The following EFNA2 variants were observed in gnomAD, a reference collection of about 807,000 sequenced individuals.
EFNA2 encodes ephrin-A2.
A neutral mutation model predicts 19.7 loss-of-function variants in EFNA2; 18 were observed. That is an observed-to-expected ratio of 0.91 (90% CI 0.63 to 1.35). EFNA2 has a LOEUF of 1.35. EFNA2 is among the 40% of genes most tolerant of loss of function. The pLI is 0.00. For missense variants in EFNA2, 303 were observed against 296.0 expected, an observed-to-expected ratio of 1.02 and a Z score of -0.17; for synonymous variants, 187 against 137.8, an observed-to-expected ratio of 1.36 and a Z score of -2.50.
At chr19:1,299,142 G>A (rs886631131) in intron 3 of EFNA2, among the ~76,000 whole-genome samples, 3 of 152,210 alleles carry the variant, frequency 2.0e-5, no homozygotes, top group Non-Finnish European at 4.4e-5. Flanking sequence ...GGAGACTGAG[G>A]CAGGAGAATC....
rs1407043155 is a variant in EFNA2, at chr19:1,297,881, G to A, written c.455-670G>A. ...GAGGTCAGGAGTTCAAGACCAGCCC[G>A]GCCAACATGGTGAAACCCCGTTTCT... On this transcript the variant is annotated intron_variant, in intron 2 of 3. Transcript: ENST00000215368. This position sits in a 1 kb window ranked among gnomAD's most constrained non-coding sequence, Gnocchi z 5.0. 2.0e-5 allele frequency among the ~76,000 whole-genome samples: 3 copies of A among 151,984 alleles called. No homozygotes were observed. Among genetic ancestry groups the A allele is most frequent in the Admixed American group, 6.6e-5 (1 of 15,260 alleles).
chr19:1,290,009 C>A (rs1249075064), intron 1 of EFNA2, among the ~76,000 whole-genome samples: 1 of 151,710 alleles, frequency 6.6e-6, no homozygotes, highest in Non-Finnish European at 1.5e-5. Flanking sequence ...TCCTGGAGGC[C>A]GTGGGGTACC....
Position 1,286,185 on chromosome 19 carries a change from G to GCCCGCTGCT in EFNA2, c.27_35dup (p.Pro10_Leu12dup), listed in dbSNP as rs1276748216. ...ACCGGGGCCATGGCGCCCGCGCAGC[G>GCCCGCTGCT]CCCGCTGCTCCCGCTGCTGCTCCTG... On this transcript the variant is annotated inframe_insertion, in exon 1 of 4. Coordinates refer to ENST00000215368, the MANE Select transcript of EFNA2 (RefSeq NM_001405.4). The surrounding 1 kb of genome is among the most constrained non-coding windows in gnomAD (Gnocchi z 5.6). 5 of 1,024,730 alleles carry GCCCGCTGCT rather than the reference G, an allele frequency of 4.9e-6. No homozygotes were observed. Among genetic ancestry groups the GCCCGCTGCT allele is most frequent in the Admixed American group, 1.2e-4 (2 of 17,088 alleles). 63.5% of individuals were successfully genotyped at this position (1,024,730 alleles called of 1,614,324 possible).
upstream of EFNA2, among the ~76,000 whole-genome samples, chr19:1,285,261 T>G (rs1194497166): frequency 6.6e-6 from 1 of 152,164 alleles, no homozygotes; most frequent in Non-Finnish European, 1.5e-5. This position sits in a 1 kb window ranked among gnomAD's most constrained non-coding sequence, Gnocchi z 4.1. Flanking sequence ...GGAGACTGAT[T>G]TGCTGTCGGC....
chr19:1,292,847 C>T (rs557408864), intron 1 of EFNA2, among the ~76,000 whole-genome samples: 35 of 152,316 alleles, frequency 2.3e-4, no homozygotes, highest in Non-Finnish European at 3.5e-4. Context: ...GGGGCCCGGG[C>T]ACCTGGCCGC....
Position 1,295,503 on chromosome 19 carries a change from C to A in EFNA2, c.141-42C>A. 2 of 1,497,246 alleles carry A rather than the reference C, an allele frequency of 1.3e-6. No individual in the cohort carries two copies. The highest frequency in any genetic ancestry group is 2.6e-5 in the South Asian group (2 of 78,334). The allele number at this position is 1,497,246 out of a possible 1,614,324, so 92.7% of individuals were successfully genotyped here. On this transcript the variant is annotated intron_variant, in intron 1 of 3. Coordinates refer to ENST00000215368, the MANE Select transcript of EFNA2 (RefSeq NM_001405.4). This position sits in a 1 kb window ranked among gnomAD's most constrained non-coding sequence, Gnocchi z 5.8. ...CGCGCACCCCGACCCGTGCCCCGTT[C>A]CTCGCTCCGGGCGCTGACCTCTGGC...
chr19:1,299,893 G>T lies in EFNA2; in HGVS notation c.590G>T (p.Cys197Phe). Residue 197 changes from cysteine to phenylalanine, a missense_variant, in exon 4 of 4, where the codon TGC (cysteine) becomes TTC (phenylalanine). Cys to Phe is a radical substitution (Grantham distance 205). Transcript: ENST00000215368. Reference protein sequence around the residue: ...SNNSCSSPGGCRLFLSTIPVL... With the variant: ...SNNSCSSPGGFRLFLSTIPVL... ...AACTCGTGTAGCAGCCCGGGCGGCT[G>T]CCGCCTCTTCCTCAGCACCATCCCC... The T allele has an allele frequency of 6.2e-7, 1 of 1,604,534 alleles. No homozygotes were observed.
rs747246910 is a variant in EFNA2 at position 1,295,907 on chromosome 19, CG to C, written c.454+54del. ...GCCGGGGCCCGAGTGGGCGGGGACGCGGGGGCGGGGCCAGGAAGTGGGCGGG... is the reference window on the plus strand; with the variant it reads ...GCCGGGGCCCGAGTGGGCGGGGACGCGGGGCGGGGCCAGGAAGTGGGCGGG... On this transcript the variant is annotated intron_variant, in intron 2 of 3. Transcript: ENST00000215368. The surrounding 1 kb of genome is among the most constrained non-coding windows in gnomAD (Gnocchi z 5.8). 114 of 422,432 alleles carry C rather than the reference CG, an allele frequency of 2.7e-4. No homozygotes were observed. Among genetic ancestry groups the C allele is most frequent in the Middle Eastern group, 9.0e-4 (1 of 1,116 alleles). The allele number at this position is 422,432 out of a possible 1,614,324, so 26.2% of individuals were successfully genotyped here.
rs1410686871 is a variant in EFNA2 at position 1,286,250 on chromosome 19, G to A, written c.82G>A (p.Asp28Asn). 4.4e-6 allele frequency: 5 copies of A among 1,129,592 alleles called. No homozygotes were observed. The African/African-American group carries it at 6.8e-5, about 15-fold the overall frequency. 70.0% of individuals were successfully genotyped at this position (1,129,592 alleles called of 1,614,324 possible). Reference sequence around the variant, plus strand: ...GCCGCCGCCCTTCGCGCGCGCCGAGGACGCCGCCCGCGCCAACTCGGACCG... The same window carrying A: ...GCCGCCGCCCTTCGCGCGCGCCGAGAACGCCGCCCGCGCCAACTCGGACCG... ...LPPPPFARAEDAARANSDRYA... is the reference protein window; with the variant it reads ...LPPPPFARAENAARANSDRYA... The change falls in exon 1 of 4, where the codon GAC (aspartate) becomes AAC (asparagine). Residue 28 changes from aspartate (D) to asparagine (N), a missense_variant. Physicochemically the swap from Asp to Asn is conservative, Grantham distance 23. Transcript: ENST00000215368. This position sits in a 1 kb window ranked among gnomAD's most constrained non-coding sequence, Gnocchi z 5.6.
At position 1,286,106 on chromosome 19, in the gene EFNA2, A is replaced by C. The variant is rs1377184272; in HGVS notation, c.-63A>C. The C allele has an allele frequency of 7.9e-6, 4 of 509,356 alleles. No individual in the cohort carries two copies. The highest frequency in any genetic ancestry group is 1.0e-5 in the Non-Finnish European group (4 of 398,560). 31.6% of individuals were successfully genotyped at this position (509,356 alleles called of 1,614,324 possible). A position where few individuals can be genotyped will look rare whatever the true frequency, so the allele number is the denominator to read the frequency against. The stretch of plus-strand genomic sequence containing the variant: ...CGCTCGGCGGCGGCGGCGGCGGCGG[A>C]GGAGGCGGAGAAGGCTGGCAGGCGG... On this transcript the variant is annotated 5_prime_UTR_variant, in exon 1 of 4. Coordinates refer to ENST00000215368, the MANE Select transcript of EFNA2 (RefSeq NM_001405.4). This position sits in a 1 kb window ranked among gnomAD's most constrained non-coding sequence, Gnocchi z 5.6.
At chr19:1,289,883 G>A (rs1362242538) in intron 1 of EFNA2, among the ~76,000 whole-genome samples, 1 of 152,180 alleles carries the variant, frequency 6.6e-6, no homozygotes, top group Non-Finnish European at 1.5e-5. Flanking sequence ...GGGTGATGCC[G>A]TGTTCTGCTG....
Position 1,294,813 on chromosome 19 carries a change from C to A in EFNA2, c.141-732C>A, listed in dbSNP as rs2144620177. On this transcript the variant is annotated intron_variant, in intron 1 of 3. Transcript: ENST00000215368. This position sits in a 1 kb window ranked among gnomAD's most constrained non-coding sequence, Gnocchi z 5.8. ...GCGAGCTGGAATGCCCGACCTGTGTCCCCCACGCTGCCCCGGTCCTTCTCA... is the reference window on the plus strand; with the variant it reads ...GCGAGCTGGAATGCCCGACCTGTGTACCCCACGCTGCCCCGGTCCTTCTCA... 1.3e-5 allele frequency among the ~76,000 whole-genome samples: 2 copies of A among 151,570 alleles called. No individual in the cohort carries two copies. The highest frequency in any genetic ancestry group is 3.9e-4 in the East Asian group (2 of 5,070).
rs1314655930 is a variant in EFNA2, at chr19:1,295,686, C to G, written c.282C>G (p.Val94=). The G allele has an allele frequency of 6.2e-7, 1 of 1,609,574 alleles. No individual in the cohort carries two copies. The highest frequency in any genetic ancestry group is 8.5e-7 in the Non-Finnish European group (1 of 1,178,450). ...ERMEHYVLYM[V]NGEGHASCDH... ...TGGAGCACTACGTGCTGTACATGGT[C>G]AACGGCGAGGGCCACGCCTCCTGCG... Residue 94 remains valine, a synonymous_variant, in exon 2 of 4, where the codon GTC becomes GTG. Coordinates refer to ENST00000215368, the MANE Select transcript of EFNA2 (RefSeq NM_001405.4). The surrounding 1 kb of genome is among the most constrained non-coding windows in gnomAD (Gnocchi z 5.8).
At chr19:1,284,320 C>T (rs2081453575), upstream of EFNA2, among the ~76,000 whole-genome samples, 1 of 152,248 alleles carries the variant, frequency 6.6e-6, no homozygotes, top group African/African-American at 2.4e-5. The surrounding 1 kb of genome is among the most constrained non-coding windows in gnomAD (Gnocchi z 5.3). Flanking sequence ...ACGCCCTCCA[C>T]TGAAGAGACA....
At chr19:1,290,032 C>T (rs528567950) in intron 1 of EFNA2, among the ~76,000 whole-genome samples, 5 of 152,108 alleles carry the variant, frequency 3.3e-5, no homozygotes, top group East Asian at 3.9e-4. Context: ...GACTCAGACT[C>T]GGGAGTCTGG....
rs1429450571 is a variant in EFNA2, at chr19:1,294,073, A to G, written c.141-1472A>G. Among the ~76,000 whole-genome samples, 1 of 152,366 alleles carries G rather than the reference A, an allele frequency of 6.6e-6. No homozygotes were observed. The highest frequency in any genetic ancestry group is 6.5e-5 in the Admixed American group (1 of 15,310). ...GCAGTGCCAGGGCCGGGATCGTAGC[A>G]GCCTGCACCCATGTGCTGCCAACAC... is the stretch of plus-strand genomic sequence containing the variant. On this transcript the variant is annotated intron_variant, in intron 1 of 3. Coordinates refer to ENST00000215368, the MANE Select transcript of EFNA2 (RefSeq NM_001405.4). This position sits in a 1 kb window ranked among gnomAD's most constrained non-coding sequence, Gnocchi z 5.8.
At chr19:1,289,339 G>A (rs2081480946) in intron 1 of EFNA2, among the ~76,000 whole-genome samples, 1 of 152,196 alleles carries the variant, frequency 6.6e-6, no homozygotes, top group Non-Finnish European at 1.5e-5. Context: ...TGCGTGGAGT[G>A]CAGGTGTGTG....
intron 1 of EFNA2, among the ~76,000 whole-genome samples, chr19:1,290,015 G>A (rs1211260316): frequency 6.6e-6 from 1 of 151,986 alleles, no homozygotes; most frequent in African/African-American, 2.4e-5. Context: ...AGGCCGTGGG[G>A]TACCTGGACT....
Position 1,296,034 on chromosome 19 carries a change from G to A in EFNA2, c.454+176G>A, listed in dbSNP as rs1053379208. On this transcript the variant is annotated intron_variant, in intron 2 of 3. Coordinates refer to ENST00000215368, the MANE Select transcript of EFNA2 (RefSeq NM_001405.4). The surrounding 1 kb of genome is among the most constrained non-coding windows in gnomAD (Gnocchi z 4.4). ...GGCGGGGCCGCGGAATGGGGCCAGG[G>A]GGGAGTGGGCGGGGCCGCGGAGTGG... Among the ~76,000 whole-genome samples the A allele has an allele frequency of 1.3e-5, 2 of 150,800 alleles. No individual in the cohort carries two copies. Among genetic ancestry groups the A allele is most frequent in the South Asian group, 2.1e-4 (1 of 4,756 alleles).
Sources: gnomAD v4.1 joint callset for allele counts (sites outside exome capture counted in the v4.1 genomes callset) on GRCh38, gnomAD v4.1.1 for gene constraint, Gnocchi (gnomAD v3.1) non-coding constraint, MANE v1.5 for transcripts, NCBI Gene and HGNC (gene_info 2026-07-23, HGNC 2026-07-21) for gene names.